Variants in VDAC1 observed in about 807,000 individuals in gnomAD.
VDAC1 encodes the protein non-selective voltage-gated ion channel VDAC1.
VDAC1 carries 10 observed loss-of-function variants against 34.7 expected under a neutral mutation model. That is an observed-to-expected ratio of 0.29 (90% confidence interval 0.18 to 0.49). The LOEUF (loss-of-function observed/expected upper bound fraction) is 0.49. Among genes scored for constraint, VDAC1 ranks in the 20% least tolerant of loss-of-function variants. The pLI is 0.99. For synonymous variants in VDAC1, 130 were observed against 136.0 expected, an observed-to-expected ratio of 0.96 and a Z score of 0.30; for missense variants, 230 against 347.9, an observed-to-expected ratio of 0.66 and a Z score of 2.69.
chr5:134,070,898 G>T, the VDAC1 span, among the ~76,000 whole-genome samples: 1 of 152,204 alleles, frequency 6.6e-6, no homozygotes, highest in Non-Finnish European at 1.5e-5. Context: ...TGGATCAGAG[G>T]TCTGCACAGT....
At chr5:133,999,341 GA>G (rs1355718218) in intron 1 of VDAC1, among the ~76,000 whole-genome samples, 4 of 152,142 alleles carry the variant, frequency 2.6e-5, no homozygotes, top group Non-Finnish European at 5.9e-5. Context: ...AGGAATGAGT[GA>G]AACAGGCAGA....
intron 7 of VDAC1, among the ~76,000 whole-genome samples, chr5:133,974,782 G>T (rs957095389): frequency 6.6e-6 from 1 of 152,158 alleles, no homozygotes. Context: ...GTGAAACCCC[G>T]TCTATACTAA....
the VDAC1 span, among the ~76,000 whole-genome samples, chr5:134,020,340 C>A: frequency 6.6e-6 from 1 of 151,960 alleles, no homozygotes; most frequent in Non-Finnish European, 1.5e-5. Context: ...ACGACTCCCC[C>A]GCTCACCCCT....
chr5:133,998,814 T>C (rs1390317587), intron 1 of VDAC1, among the ~76,000 whole-genome samples: 2 of 152,156 alleles, frequency 1.3e-5, no homozygotes, highest in African/African-American at 4.8e-5. Flanking sequence ...TGCACAAGAA[T>C]CACCGGAGGC....
In VDAC1 at chr5:134,001,642, G is replaced by A. The variant is rs573433784; in HGVS notation, c.-7+3253C>T. Among the ~76,000 whole-genome samples the A allele has an allele frequency of 2.1e-3, 319 of 149,564 alleles. 2 individuals are homozygous for A. Among genetic ancestry groups the A allele is most frequent in the African/African-American group, 7.4e-3 (301 of 40,472 alleles). On this transcript the variant is annotated intron_variant, in intron 1 of 8. Transcript: ENST00000265333. ...GTGAGGCAGAGACTTGCTTGAACCC[G>A]AGAGGTAGAGATTGCAGGGAGCCGA... is the stretch of plus-strand genomic sequence containing the variant.
the VDAC1 span, among the ~76,000 whole-genome samples, chr5:134,066,303 A>C: frequency 6.6e-6 from 1 of 152,134 alleles, no homozygotes; most frequent in Non-Finnish European, 1.5e-5. Context: ...TGCCCGGCCG[A>C]TAGTAAATAT....
the VDAC1 span, among the ~76,000 whole-genome samples, chr5:134,015,507 C>A: frequency 2.6e-5 from 4 of 152,304 alleles, no homozygotes; most frequent in East Asian, 7.7e-4. Flanking sequence ...TTATAAGCCA[C>A]CCAGTCTATG....
chr5:133,989,555 T>G (rs1753025178), intron 5 of VDAC1, among the ~76,000 whole-genome samples: 1 of 152,044 alleles, frequency 6.6e-6, no homozygotes, highest in Non-Finnish European at 1.5e-5. Flanking sequence ...AGATGGGGTT[T>G]TGCCATGTTG....
At chr5:133,980,248 T>A (rs1752638945) in intron 6 of VDAC1, among the ~76,000 whole-genome samples, 1 of 152,222 alleles carries the variant, frequency 6.6e-6, no homozygotes, top group African/African-American at 2.4e-5. Flanking sequence ...CCCTTCACCA[T>A]ACTGTCCAAT....
intron 1 of VDAC1, among the ~76,000 whole-genome samples, chr5:133,996,298 G>A (rs1753304171): frequency 6.6e-6 from 1 of 152,130 alleles, no homozygotes; most frequent in African/African-American, 2.4e-5. Flanking sequence ...CAGGATACAG[G>A]AGTCCCTGGT....
chr5:134,012,320 G>C, the VDAC1 span, among the ~76,000 whole-genome samples: 1 of 152,224 alleles, frequency 6.6e-6, no homozygotes, highest in African/African-American at 2.4e-5. Flanking sequence ...CACTGAGTCT[G>C]TGGTTCACAG....
chr5:134,052,845 G>A, the VDAC1 span, among the ~76,000 whole-genome samples: 3 of 152,238 alleles, frequency 2.0e-5, no homozygotes, highest in Middle Eastern at 3.4e-3. Flanking sequence ...GGCCGGGTGC[G>A]GTGGCTCATG....
At chr5:134,058,314 G>GT in the VDAC1 span, among the ~76,000 whole-genome samples, 1 of 149,342 alleles carries the variant, frequency 6.7e-6, no homozygotes, top group Admixed American at 6.6e-5. Context: ...TCTGACTTTT[G>GT]TTTTTTGTTT....
chr5:134,051,668 G>GT, the VDAC1 span, among the ~76,000 whole-genome samples: 90,734 of 141,272 alleles, frequency 0.64, 29,573 homozygotes, highest in Admixed American at 0.74. Context: ...TGGGCAGTTT[G>GT]TTTTTTTTTT....
intron 7 of VDAC1, among the ~76,000 whole-genome samples, chr5:133,974,695 G>T (rs966922869): frequency 2.6e-5 from 4 of 151,966 alleles, no homozygotes; most frequent in Non-Finnish European, 5.9e-5. Flanking sequence ...GCTCATGCCT[G>T]TAATTCCAGC....
chr5:134,054,458 C>CTTTTTTT, the VDAC1 span, among the ~76,000 whole-genome samples: 54 of 123,544 alleles, frequency 4.4e-4, no homozygotes, highest in Non-Finnish European at 5.0e-4. Context: ...TCCTTCCTTC[C>CTTTTTTT]TTTTTTTTTT....
the VDAC1 span, among the ~76,000 whole-genome samples, chr5:134,053,146 A>C: frequency 6.6e-6 from 1 of 152,124 alleles, no homozygotes; most frequent in East Asian, 1.9e-4. Context: ...TAAAAGAAAC[A>C]GAAGCCCCAA....
chr5:134,036,510 A>G, the VDAC1 span, among the ~76,000 whole-genome samples: 290 of 152,112 alleles, frequency 1.9e-3, 3 homozygotes, highest in Admixed American at 8.8e-3. Flanking sequence ...GGACTAAAAC[A>G]CCAACCAGAA....
chr5:134,003,968 G>A (rs1163525312), intron 1 of VDAC1, among the ~76,000 whole-genome samples: 1 of 152,238 alleles, frequency 6.6e-6, no homozygotes, highest in Non-Finnish European at 1.5e-5. Flanking sequence ...AGACCAAGAA[G>A]GCCACATCCT....
Sources: gnomAD v4.1 joint callset for allele counts (sites outside exome capture counted in the v4.1 genomes callset) on GRCh38, gnomAD v4.1.1 for gene constraint, MANE v1.5 for transcripts, NCBI Gene and HGNC (gene_info 2026-07-23, HGNC 2026-07-21) for gene names.